The following ZNF561 variants were observed in gnomAD, a reference collection of about 807,000 sequenced individuals.
ZNF561 encodes the protein zinc finger protein 561.
ZNF561 carries 16 observed loss-of-function variants against 16.7 expected under a neutral mutation model. The observed-to-expected ratio is 0.96, with a 90% CI of 0.65 to 1.45. The LOEUF is 1.45. Ranked by LOEUF, ZNF561 falls within the 40% of genes most tolerant of loss-of-function variation. The pLI, the probability that ZNF561 is intolerant of heterozygous loss-of-function variation, is 0.00. For synonymous variants in ZNF561, 190 were observed against 192.1 expected (o/e 0.99, Z 0.09); for missense variants, 580 against 578.0 (o/e 1.00, Z -0.04).
Position 9,608,049 on chromosome 19 carries a change from T to G in ZNF561, c.*2151A>C, listed in dbSNP as rs1399326150. On this transcript the variant is annotated 3_prime_UTR_variant, in exon 6 of 6. Transcript: ENST00000302851. ...ACCACGCCAGGCTAATTTTTTGTATTTGTAGTAGAGACAGGGTTTCACCGT... is the reference window on the plus strand; with the variant it reads ...ACCACGCCAGGCTAATTTTTTGTATGTGTAGTAGAGACAGGGTTTCACCGT... 1 of 136,120 alleles carries G rather than the reference T, an allele frequency of 7.3e-6. No individual in the cohort carries two copies. The highest frequency in any genetic ancestry group is 1.5e-5 in the Non-Finnish European group (1 of 65,054). The allele number at this position is 136,120 out of a possible 1,614,324, so 8.4% of individuals were successfully genotyped here.
rs2144870861 is a variant in ZNF561, at chr19:9,610,972, T to C, written c.689A>G (p.Tyr230Cys). The C allele has an allele frequency of 1.2e-6, 2 of 1,614,194 alleles. No homozygotes were observed. The highest frequency in any genetic ancestry group is 1.7e-6 in the Non-Finnish European group (2 of 1,180,032). ...TGAAGAAGCTGTGACAGCTCTCCCATATTCCTGAAATTCACAGAGTTTCTC... is the reference window on the plus strand; with the variant it reads ...TGAAGAAGCTGTGACAGCTCTCCCACATTCCTGAAATTCACAGAGTTTCTC... ...TDEKLCEFQE[Y>C]GRAVTASSHL... Residue 230 changes from tyrosine to cysteine, a missense_variant, in exon 6 of 6, where the codon TAT (tyrosine) becomes TGT (cysteine). By Grantham distance (194) the Tyr-to-Cys change is radical (BLOSUM62 -2). Coordinates refer to ENST00000302851, the MANE Select transcript of ZNF561 (RefSeq NM_152289.3).
At chr19:9,616,288 T>C (rs1401617684) in intron 4 of ZNF561, among the ~76,000 whole-genome samples, 3 of 152,160 alleles carry the variant, frequency 2.0e-5, no homozygotes, top group Non-Finnish European at 4.4e-5. Flanking sequence ...TTATTTTTAA[T>C]GTATTTTTTT....
chr19:9,610,894 T>C lies in ZNF561; in HGVS notation c.767A>G (p.Lys256Arg). 6.2e-7 allele frequency: 1 copy of C among 1,614,202 alleles called. No homozygotes were observed. Among genetic ancestry groups the C allele is most frequent in the South Asian group, 1.1e-5 (1 of 91,088 alleles). The stretch of plus-strand genomic sequence containing the variant: ...ATTAGTGAAGGATTTCCCACATTTC[T>C]TAGTCTTTTTGGATTTCTTTCCTGT... ...VHTGKKSKKT[K>R]KCGKSFTNFS... is the part of the protein sequence containing the mutation. Residue 256 changes from lysine (K) to arginine (R), a missense_variant, in exon 6 of 6, where the codon AAG becomes AGG. Transcript: ENST00000302851.
intron 1 of ZNF561, among the ~76,000 whole-genome samples, chr19:9,620,269 T>C (rs1300784735): frequency 6.6e-6 from 1 of 152,150 alleles, no homozygotes; most frequent in Non-Finnish European, 1.5e-5. Context: ...TTTGCATTTT[T>C]AGTAGAGACG....
At chr19:9,616,161 G>C (rs922228121) in intron 4 of ZNF561, among the ~76,000 whole-genome samples, 1 of 152,178 alleles carries the variant, frequency 6.6e-6, no homozygotes, top group African/African-American at 2.4e-5. Context: ...ACTACAGCAG[G>C]GACTGTTACT....
rs887642395 is a variant in ZNF561 at position 9,607,694 on chromosome 19, T to C, written c.*2506A>G. 1.3e-5 allele frequency: 2 copies of C among 152,100 alleles called. No individual in the cohort carries two copies. The highest frequency in any genetic ancestry group is 2.9e-5 in the Non-Finnish European group (2 of 68,020). 9.4% of individuals were successfully genotyped at this position (152,100 alleles called of 1,614,324 possible). A position where few individuals can be genotyped will look rare whatever the true frequency, so the allele number is the denominator to read the frequency against. Reference sequence around the variant, plus strand: ...TAGTCCAGTAAAGCAAGAAAATATATATATAGGTATAACCTAACGACTAAA... The same window carrying C: ...TAGTCCAGTAAAGCAAGAAAATATACATATAGGTATAACCTAACGACTAAA... On this transcript the variant is annotated 3_prime_UTR_variant, in exon 6 of 6. Coordinates refer to ENST00000302851, the MANE Select transcript of ZNF561 (RefSeq NM_152289.3).
chr19:9,616,957 G>C, intron 4 of ZNF561, 88 bp downstream of exon 4: 2 of 1,478,730 alleles, frequency 1.4e-6, no homozygotes, highest in Middle Eastern at 1.8e-4. Context: ...AAACTCCCAG[G>C]CTCCAGCGAT....
In ZNF561 at chr19:9,610,720, C is replaced by A; in HGVS notation, c.941G>T (p.Cys314Phe). 6.2e-7 allele frequency: 1 copy of A among 1,614,120 alleles called. No homozygotes were observed. Among genetic ancestry groups the A allele is most frequent in the Non-Finnish European group, 8.5e-7 (1 of 1,180,008 alleles). Residue 314 changes from cysteine (C) to phenylalanine (F), a missense_variant, in exon 6 of 6, where the codon TGT becomes TTT. By Grantham distance (205) the Cys-to-Phe change is radical (BLOSUM62 -2). Transcript: ENST00000302851. ...AGTTGATCTAGTGAAGGCTTTCCCA[C>A]AGTAAGTACACTTGTGTGGTTTTAT... is the stretch of plus-strand genomic sequence containing the variant. Reference protein sequence around the residue: ...TGIKPHKCTYCGKAFTRSTQL... With the variant: ...TGIKPHKCTYFGKAFTRSTQL...
At chr19:9,620,594 C>T (rs183670352) in intron 1 of ZNF561, among the ~76,000 whole-genome samples, 21 of 152,246 alleles carry the variant, frequency 1.4e-4, no homozygotes, top group East Asian at 7.7e-4. Flanking sequence ...TGATACTTGT[C>T]CCTAGAGCCT....
chr19:9,617,248 C>A (rs927253786), intron 3 of ZNF561, 77 bp from the exon 4 acceptor site: 11 of 1,525,784 alleles, frequency 7.2e-6, no homozygotes, highest in Non-Finnish European at 8.0e-6. Flanking sequence ...TGAAGGGGAA[C>A]CTTATACTCA....
intron 5 of ZNF561, 90 bp downstream of exon 5, chr19:9,613,931 G>A (rs2074506914): frequency 1.3e-6 from 2 of 1,493,824 alleles, no homozygotes; most frequent in East Asian, 2.3e-5. Flanking sequence ...ACAGATGTAA[G>A]CCACACCTCT....
In ZNF561 at chr19:9,610,172, C is replaced by A. The variant is rs779500199; in HGVS notation, c.*28G>T. 2.6e-6 allele frequency: 4 copies of A among 1,530,542 alleles called. No individual in the cohort carries two copies. Among genetic ancestry groups the A allele is most frequent in the African/African-American group, 2.8e-5 (2 of 72,428 alleles). 94.8% of individuals were successfully genotyped at this position (1,530,542 alleles called of 1,614,324 possible). A position where few individuals can be genotyped will look rare whatever the true frequency, so the allele number is the denominator to read the frequency against. On this transcript the variant is annotated 3_prime_UTR_variant, in exon 6 of 6. Coordinates refer to ENST00000302851, the MANE Select transcript of ZNF561 (RefSeq NM_152289.3). ...AATCTGATAATCTTTGGTGTCATTG[C>A]CAATAATTAAAGATGGCAACCGATG...
chr19:9,613,970 CTCTA>C, intron 5 of ZNF561, 47 bp downstream of exon 5: 2 of 1,600,514 alleles, frequency 1.2e-6, no homozygotes, highest in Non-Finnish European at 8.5e-7. Context: ...GAATGGAATT[CTCTA>C]TCTTTTCTAA....
Position 9,611,167 on chromosome 19 carries a change from C to G in ZNF561, c.494G>C (p.Gly165Ala). 3 of 1,613,982 alleles carry G rather than the reference C, an allele frequency of 1.9e-6. No homozygotes were observed. The highest frequency in any genetic ancestry group is 2.5e-6 in the Non-Finnish European group (3 of 1,179,888). ...TLSVHKEAST[G>A]QELSKFNPCG... ...TGGATTAAATTTGGAAAGTTCCTGT[C>G]CAGTAGAGGCTTCCTTGTGCACACT... Residue 165 changes from glycine to alanine, a missense_variant, in exon 6 of 6, where the codon GGA becomes GCA. Coordinates refer to ENST00000302851, the MANE Select transcript of ZNF561 (RefSeq NM_152289.3).
intron 1 of ZNF561, 90 bp from the exon 2 acceptor site, chr19:9,619,672 A>G (rs1484988348): frequency 2.4e-6 from 1 of 416,522 alleles, no homozygotes; most frequent in African/African-American, 2.1e-5. Context: ...ACAGATGTGA[A>G]GGCCACCAAA....
intron 4 of ZNF561, among the ~76,000 whole-genome samples, chr19:9,615,797 C>T (rs2074544393): frequency 6.6e-6 from 1 of 151,040 alleles, no homozygotes; most frequent in Non-Finnish European, 1.5e-5. Context: ...AGCAGGTGTG[C>T]CTAATACCAG....
intron 5 of ZNF561, among the ~76,000 whole-genome samples, chr19:9,613,554 G>T (rs530403797): frequency 6.6e-6 from 1 of 151,848 alleles, no homozygotes; most frequent in Non-Finnish European, 1.5e-5. Context: ...AGTCTCACTC[G>T]GTCAACCAGG....
Position 9,616,333 on chromosome 19 carries a change from G to A in ZNF561, c.241+712C>T, listed in dbSNP as rs140128894. Among the ~76,000 whole-genome samples the A allele has an allele frequency of 6.6e-3, 998 of 152,260 alleles. 8 individuals carry two copies. Among genetic ancestry groups the A allele is most frequent in the Non-Finnish European group, 0.012 (783 of 68,020 alleles). Reference sequence around the variant, plus strand: ...GTATCACTGTGTCGCCCCGGCAGGAGTGCAGTGGCGCAATCTCAGCTCACT... The same window carrying A: ...GTATCACTGTGTCGCCCCGGCAGGAATGCAGTGGCGCAATCTCAGCTCACT... On this transcript the variant is annotated intron_variant, in intron 4 of 5. Transcript: ENST00000302851.
At chr19:9,618,378 G>C (rs542334016) in intron 2 of ZNF561, among the ~76,000 whole-genome samples, 199 bp from the exon 3 acceptor site, 7 of 152,276 alleles carry the variant, frequency 4.6e-5, no homozygotes, top group African/African-American at 1.7e-4. Flanking sequence ...GGGCCAAACT[G>C]CCTGTTGGGT....
Sources: allele counts gnomAD v4.1 joint callset (sites outside exome capture counted in the v4.1 genomes callset), GRCh38; gene constraint gnomAD v4.1.1; transcripts MANE v1.5; gene names NCBI Gene and HGNC (gene_info 2026-07-23, HGNC 2026-07-21).